CSMD1: variants seen among roughly 807,000 people sequenced by gnomAD.
CSMD1 encodes the protein CUB and Sushi multiple domains 1, also known as CUB and sushi domain-containing protein 1.
In CSMD1, 213 loss-of-function variants were observed where a neutral mutation model predicts 417.5. The ratio of observed to expected loss-of-function variants is 0.51; its 90% CI spans 0.46 to 0.57. CSMD1 has a LOEUF of 0.57. Ranked by LOEUF, CSMD1 falls within the 20% of genes least tolerant of loss-of-function variation. The pLI, the probability that CSMD1 is intolerant of heterozygous loss-of-function variation, is 0.00. For synonymous variants in CSMD1, 2,862 were observed against 1,736.8 expected (o/e 1.65, Z -16.11); for missense variants, 6,923 against 4,529.7 (o/e 1.53, Z -15.17).
At chr8:3,845,826 A>T (rs1803467043) in intron 5 of CSMD1, among the ~76,000 whole-genome samples, 1 of 151,620 alleles carries the variant, frequency 6.6e-6, no homozygotes, top group Non-Finnish European at 1.5e-5. Context: ...GCTTTCTTCT[A>T]TTTAATTTTT....
At chr8:4,471,026 A>C (rs762463349) in intron 2 of CSMD1, among the ~76,000 whole-genome samples, 1 of 152,194 alleles carries the variant, frequency 6.6e-6, no homozygotes, top group Admixed American at 6.5e-5. Context: ...TCTATGAAAT[A>C]TCTTTTGAAC....
chr8:4,645,053 A>G lies in CSMD1; in HGVS notation c.86-7495T>C, dbSNP rs112912288. Among the ~76,000 whole-genome samples, 529 of 152,314 alleles carry G rather than the reference A, an allele frequency of 3.5e-3. 7 individuals carry two copies. Among genetic ancestry groups the G allele is most frequent in the African/African-American group, 0.012 (510 of 41,570 alleles). ...CTTAAAACATTAGGATGCAGGTGAT[A>G]TTTTAATTCCAAAAGCAGAGTTGCT... On this transcript the variant is annotated intron_variant, in intron 1 of 69. Transcript: ENST00000635120.
Position 4,255,690 on chromosome 8 carries a change from G to T in CSMD1, c.415+164263C>A, listed in dbSNP as rs115239978. Among the ~76,000 whole-genome samples the T allele has an allele frequency of 8.5e-3, 1,300 of 152,290 alleles. 16 individuals carry two copies. The highest frequency in any genetic ancestry group is 0.029 in the African/African-American group (1,185 of 41,562). ...ATGTATTACGTGAAGAGTTAAGGTA[G>T]TTGAATTATCTTAGGCACTGTGAGT... is the stretch of plus-strand genomic sequence containing the variant. On this transcript the variant is annotated intron_variant, in intron 3 of 69. Transcript: ENST00000635120.
At position 3,073,046 on chromosome 8, in the gene CSMD1, C is replaced by A. The variant is rs963757168; in HGVS notation, c.7474+14051G>T. ...CTTTTTTGTAAAAATGAAATGCAAC[C>A]CTCCCAAATTCCCAGTGCTATTTCT... On this transcript the variant is annotated intron_variant, in intron 49 of 69. Transcript: ENST00000635120. Among the ~76,000 whole-genome samples, 12 of 152,042 alleles carry A rather than the reference C, an allele frequency of 7.9e-5. No homozygotes were observed. In the East Asian group the frequency reaches 2.3e-3, roughly 29 times the overall value.
At chr8:3,803,317 C>A (rs895153831) in intron 5 of CSMD1, among the ~76,000 whole-genome samples, 1 of 152,120 alleles carries the variant, frequency 6.6e-6, no homozygotes, top group African/African-American at 2.4e-5. Flanking sequence ...TAGGGAGATA[C>A]TGCTATACAC....
In CSMD1 at chr8:2,973,021, A is replaced by C. The variant is rs979234212; in HGVS notation, c.8923+96T>G. On this transcript the variant is annotated intron_variant, in intron 57 of 69. Transcript: ENST00000635120. ...AAGATTTAATTGTATAAATAGTACA[A>C]ACCTCTAGAATTTTTGTAGAATTTT... The C allele has an allele frequency of 7.7e-5, 93 of 1,205,206 alleles. No individual in the cohort carries two copies. In the African/African-American group the frequency reaches 1.3e-3, roughly 17 times the overall value. 74.7% of individuals were successfully genotyped at this position (1,205,206 alleles called of 1,614,324 possible). A position where few individuals can be genotyped will look rare whatever the true frequency, so the allele number is the denominator to read the frequency against.
At chr8:4,293,141 G>A (rs909942204) in intron 3 of CSMD1, among the ~76,000 whole-genome samples, 1 of 152,048 alleles carries the variant, frequency 6.6e-6, no homozygotes, top group Non-Finnish European at 1.5e-5. Context: ...GTTTTGTCCC[G>A]CACCTGCCCT....
chr8:4,657,963 T>C (rs1195240983), intron 1 of CSMD1, among the ~76,000 whole-genome samples: 1 of 144,718 alleles, frequency 6.9e-6, no homozygotes, highest in Non-Finnish European at 1.5e-5. Context: ...ATGAGAAGGT[T>C]TCAAAAGTTG....
intron 13 of CSMD1, among the ~76,000 whole-genome samples, 186 bp from the exon 14 acceptor site, chr8:3,408,411 T>C (rs1251383265): frequency 6.6e-6 from 1 of 152,194 alleles, no homozygotes; most frequent in Non-Finnish European, 1.5e-5. Flanking sequence ...AAGTCGAATA[T>C]TTCATTATCA....
chr8:4,757,784 C>T (rs887554250), intron 1 of CSMD1, among the ~76,000 whole-genome samples: 2 of 151,812 alleles, frequency 1.3e-5, no homozygotes, highest in Non-Finnish European at 2.9e-5. Context: ...CATGGTGAAA[C>T]CCTGTTTCTA....
intron 17 of CSMD1, among the ~76,000 whole-genome samples, chr8:3,392,765 T>C (rs568153743): frequency 1.3e-5 from 2 of 152,290 alleles, no homozygotes; most frequent in Non-Finnish European, 2.9e-5. Context: ...CACTATGATG[T>C]TTGAAGAAAC....
chr8:3,483,958 A>C (rs1817884518), intron 11 of CSMD1, among the ~76,000 whole-genome samples: 1 of 152,234 alleles, frequency 6.6e-6, no homozygotes, highest in Non-Finnish European at 1.5e-5. Context: ...TCATGAGCTG[A>C]AAGATTTAAC....
intron 3 of CSMD1, among the ~76,000 whole-genome samples, chr8:4,060,458 A>T (rs931052019): frequency 5.3e-5 from 8 of 152,176 alleles, no homozygotes; most frequent in African/African-American, 1.7e-4. Flanking sequence ...GTGAATTTCT[A>T]ATGATGCTTG....
At chr8:4,225,455 T>G (rs1563301436) in intron 3 of CSMD1, among the ~76,000 whole-genome samples, 1 of 151,510 alleles carries the variant, frequency 6.6e-6, no homozygotes, top group African/African-American at 2.4e-5. Flanking sequence ...TGTTTAGAAA[T>G]AACAATAAAA....
chr8:3,342,210 T>A (rs1489429191), intron 23 of CSMD1, among the ~76,000 whole-genome samples: 1 of 152,190 alleles, frequency 6.6e-6, no homozygotes, highest in African/African-American at 2.4e-5. Context: ...GTCTTACAAT[T>A]CTTCACCTGT....
At chr8:4,591,161 T>A (rs1809161941) in intron 2 of CSMD1, among the ~76,000 whole-genome samples, 1 of 152,206 alleles carries the variant, frequency 6.6e-6, no homozygotes, top group Non-Finnish European at 1.5e-5. Context: ...GTGTGTTGAG[T>A]GCTTACTGTT....
chr8:4,466,063 G>C (rs1229769663), intron 2 of CSMD1, among the ~76,000 whole-genome samples: 3 of 152,202 alleles, frequency 2.0e-5, no homozygotes, highest in Admixed American at 6.5e-5. Flanking sequence ...GATAACACAA[G>C]TCAAACAAGT....
chr8:4,251,081 G>C (rs1286105432), intron 3 of CSMD1, among the ~76,000 whole-genome samples: 3 of 152,124 alleles, frequency 2.0e-5, no homozygotes, highest in African/African-American at 7.2e-5. Context: ...AAATGTTGTA[G>C]TCACATTTTC....
intron 51 of CSMD1, among the ~76,000 whole-genome samples, chr8:3,023,403 A>C (rs1241735671): frequency 6.6e-6 from 1 of 152,238 alleles, no homozygotes; most frequent in East Asian, 1.9e-4. Flanking sequence ...TAAGTCGAAC[A>C]ATAAATAAAT....
Sources: allele counts gnomAD v4.1 joint callset (sites outside exome capture counted in the v4.1 genomes callset), GRCh38; gene constraint gnomAD v4.1.1; transcripts MANE v1.5; gene names NCBI Gene and HGNC (gene_info 2026-07-23, HGNC 2026-07-21).